PAM: variants seen among roughly 807,000 people sequenced by gnomAD.
PAM encodes the protein peptidyl-glycine alpha-amidating monooxygenase.
PAM carries 72 observed loss-of-function variants against 122.1 expected under a neutral mutation model. The observed-to-expected ratio is 0.59, with a 90% CI of 0.49 to 0.72. PAM has a LOEUF of 0.72. Ranked by LOEUF, PAM falls within the 30% of genes least tolerant of loss-of-function variation. The pLI is 0.00. For synonymous variants in PAM, 389 were observed against 404.4 expected (o/e 0.96, Z 0.46); for missense variants, 1,106 against 1,183.7 (o/e 0.93, Z 0.96).
intron 1 of PAM, among the ~76,000 whole-genome samples, chr5:102,814,263 G>C (rs745590815): frequency 6.6e-6 from 1 of 152,168 alleles, no homozygotes; most frequent in African/African-American, 2.4e-5. Flanking sequence ...CTTCCCAAGA[G>C]TCTCAGTAGA....
intron 1 of PAM, among the ~76,000 whole-genome samples, chr5:102,800,885 T>TA: frequency 6.6e-6 from 1 of 152,226 alleles, no homozygotes. Context: ...TGAAATCCCC[T>TA]ACTGCTTGGG....
chr5:102,892,273 T>G (rs954060632), intron 3 of PAM, among the ~76,000 whole-genome samples: 1 of 151,868 alleles, frequency 6.6e-6, no homozygotes, highest in Non-Finnish European at 1.5e-5. Flanking sequence ...GGCAACATGC[T>G]GAATATGACA....
Position 102,842,205 on chromosome 5 carries a change from A to AATATATATATATAT in PAM, c.-373-23609_-373-23596dup, listed in dbSNP as rs71226933. On this transcript the variant is annotated intron_variant, in intron 1 of 25. Transcript: ENST00000438793. ...TTTAACTTTACAAAAATACAACCTA[A>AATATATATATATAT]ATATATATATATATATATATATCTC... 7.7e-4 allele frequency among the ~76,000 whole-genome samples: 110 copies of AATATATATATATAT among 143,046 alleles called. 2 individuals carry two copies. Among genetic ancestry groups the AATATATATATATAT allele is most frequent in the African/African-American group, 2.7e-3 (105 of 38,340 alleles). The allele number at this position is 143,046 out of a possible 152,430, so 93.8% of individuals were successfully genotyped here. A position where few individuals can be genotyped will look rare whatever the true frequency, so the allele number is the denominator to read the frequency against.
At position 102,758,073 on chromosome 5, in the gene PAM, G is replaced by GTTTTTT. The variant is rs1168917285; in HGVS notation, c.-374+2755_-374+2760dup. 3.7e-3 allele frequency among the ~76,000 whole-genome samples: 91 copies of GTTTTTT among 24,776 alleles called. 2 individuals are homozygous for GTTTTTT. Among genetic ancestry groups the GTTTTTT allele is most frequent in the Non-Finnish European group, 5.6e-3 (62 of 11,096 alleles). 16.3% of individuals were successfully genotyped at this position (24,776 alleles called of 152,430 possible). A position where few individuals can be genotyped will look rare whatever the true frequency, so the allele number is the denominator to read the frequency against. On this transcript the variant is annotated intron_variant, in intron 1 of 25. Transcript: ENST00000438793. ...AAAAAAAAAAAAGACTTAGAATTTT[G>GTTTTTT]TTTTTTTTTTTTTTTTTTTTTTTTT...
At chr5:102,914,077 C>T in intron 5 of PAM, 56 bp downstream of exon 5, 1 of 880,490 alleles carries the variant, frequency 1.1e-6, no homozygotes, top group Non-Finnish European at 1.9e-6. Context: ...TTTACAAGTG[C>T]AAAGTGTATC....
chr5:102,990,521 G>A, intron 16 of PAM, 120 bp downstream of exon 16: 1 of 641,374 alleles, frequency 1.6e-6, no homozygotes, highest in South Asian at 3.6e-5. Flanking sequence ...TGACTTTTAT[G>A]AGCAAAATGT....
rs753829666 is a variant in PAM, at chr5:102,949,946, CTGAT to C, written c.772_775del (p.Ile258AspfsTer20). On this transcript the variant is annotated frameshift_variant, in exon 11 of 26. Coordinates refer to ENST00000438793, the MANE Select transcript of PAM (RefSeq NM_001177306.2). LOFTEE classifies it high-confidence loss of function. ...CAGAGTAAGAAATGGACAGTGGACA[CTGAT>C]TGGACGGCAGAGCCCTCAGCTGCCA... 3.8e-6 allele frequency: 6 copies of C among 1,593,640 alleles called. No individual in the cohort carries two copies. The highest frequency in any genetic ancestry group is 5.2e-6 in the Non-Finnish European group (6 of 1,162,334).
chr5:102,765,683 T>C (rs751236486), intron 1 of PAM, among the ~76,000 whole-genome samples: 1 of 152,188 alleles, frequency 6.6e-6, no homozygotes, highest in East Asian at 1.9e-4. Context: ...AACATCAGTA[T>C]ATTGGCAGGG....
chr5:102,808,382 TAA>T, intron 1 of PAM, among the ~76,000 whole-genome samples: 2 of 152,292 alleles, frequency 1.3e-5, no homozygotes, highest in East Asian at 3.9e-4. Flanking sequence ...AGTTTGTACT[TAA>T]AGTGTGTGTG....
At chr5:102,839,075 A>G (rs969173021) in intron 1 of PAM, among the ~76,000 whole-genome samples, 2 of 152,158 alleles carry the variant, frequency 1.3e-5, no homozygotes, top group South Asian at 2.1e-4. Context: ...AGCTTAAACA[A>G]TAGCTGTAAA....
intron 1 of PAM, among the ~76,000 whole-genome samples, chr5:102,824,799 C>T (rs1742707508): frequency 6.6e-6 from 1 of 152,060 alleles, no homozygotes; most frequent in African/African-American, 2.4e-5. Context: ...AATTCACAAG[C>T]TCTGGAAATG....
At chr5:102,786,356 G>A (rs757384361) in intron 1 of PAM, among the ~76,000 whole-genome samples, 17 of 152,184 alleles carry the variant, frequency 1.1e-4, no homozygotes, top group Non-Finnish European at 1.9e-4. Context: ...AGCATTGAAT[G>A]AGTTAAAACC....
At chr5:102,786,232 C>T (rs958417089) in intron 1 of PAM, among the ~76,000 whole-genome samples, 1 of 152,208 alleles carries the variant, frequency 6.6e-6, no homozygotes, top group African/African-American at 2.4e-5. Context: ...AGACTGAGCT[C>T]TGTCCACATG....
At position 102,913,966 on chromosome 5, in the gene PAM, G is replaced by A. The variant is rs1474228690; in HGVS notation, c.301G>A (p.Val101Ile). 1 of 1,607,802 alleles carries A rather than the reference G, an allele frequency of 6.2e-7. No homozygotes were observed. Among genetic ancestry groups the A allele is most frequent in the Non-Finnish European group, 8.5e-7 (1 of 1,174,564 alleles). ...CAAGCCTCGAGCCAGCATGGATACTGTCCATCACATGTTACTTTTTGGATG... is the reference window on the plus strand; with the variant it reads ...CAAGCCTCGAGCCAGCATGGATACTATCCATCACATGTTACTTTTTGGATG... ...DFKPRASMDT[V>I]HHMLLFGCNM... Residue 101 changes from valine to isoleucine, a missense_variant, in exon 5 of 26, where the codon GTC (valine) becomes ATC (isoleucine). Physicochemically the swap from Val to Ile is conservative, Grantham distance 29. Transcript: ENST00000438793.
At chr5:102,896,027 G>A (rs1203248190) in intron 3 of PAM, 4 of 151,662 alleles carry the variant, frequency 2.6e-5, no homozygotes, top group African/African-American at 4.8e-5. Flanking sequence ...TGTAACTCCC[G>A]AGTCCCCATC....
At chr5:102,894,522 T>G (rs979019734) in intron 3 of PAM, among the ~76,000 whole-genome samples, 1 of 151,546 alleles carries the variant, frequency 6.6e-6, no homozygotes, top group African/African-American at 2.4e-5. Flanking sequence ...CTGTCTACTC[T>G]CAATACGCTG....
intron 1 of PAM, among the ~76,000 whole-genome samples, chr5:102,790,527 T>C (rs1761774135): frequency 6.6e-6 from 1 of 152,036 alleles, no homozygotes; most frequent in Non-Finnish European, 1.5e-5. Flanking sequence ...TAGATCTAAG[T>C]GATGAGAAAC....
At chr5:103,012,373 C>T (rs1465426537) in intron 21 of PAM, among the ~76,000 whole-genome samples, 2 of 152,138 alleles carry the variant, frequency 1.3e-5, no homozygotes, top group Non-Finnish European at 2.9e-5. Flanking sequence ...CCAATGTTTT[C>T]TTGTGGTAAC....
At chr5:102,947,665 T>C (rs1490660180) in intron 8 of PAM, among the ~76,000 whole-genome samples, 1 of 151,914 alleles carries the variant, frequency 6.6e-6, no homozygotes, top group Non-Finnish European at 1.5e-5. Context: ...TCCCCAAAAA[T>C]CTATGGAAAT....
Sources: gnomAD v4.1 joint callset for allele counts (sites outside exome capture counted in the v4.1 genomes callset) on GRCh38, gnomAD v4.1.1 for gene constraint, MANE v1.5 for transcripts, NCBI Gene and HGNC (gene_info 2026-07-23, HGNC 2026-07-21) for gene names.